Variants in INPP5A observed in about 807,000 individuals in gnomAD.
INPP5A encodes the protein 43 kDa inositol polyphosphate 5-phophatase.
A neutral mutation model predicts 65.2 loss-of-function variants in INPP5A; 14 were observed. The ratio of observed to expected loss-of-function variants is 0.21; its 90% confidence interval spans 0.14 to 0.34. INPP5A has a LOEUF of 0.34. INPP5A is among the 10% of genes least tolerant of loss of function. The probability of loss-of-function intolerance (pLI) is 1.00; values close to 1 mark genes in which losing one functional copy is unlikely to be tolerated. For missense variants in INPP5A, 431 were observed against 545.6 expected, an observed-to-expected ratio of 0.79 and a Z score of 2.09; for synonymous variants, 207 against 208.3, an observed-to-expected ratio of 0.99 and a Z score of 0.05.
At position 132,676,800 on chromosome 10, in the gene INPP5A, C is replaced by T. The variant is rs958428907; in HGVS notation, c.307-13592C>T. Among the ~76,000 whole-genome samples, 1 of 152,218 alleles carries T rather than the reference C, an allele frequency of 6.6e-6. No homozygotes were observed. Among genetic ancestry groups the T allele is most frequent in the Non-Finnish European group, 1.5e-5 (1 of 68,042 alleles). ...CACTGACTGCTGGCTCTCACCTGCT[C>T]CTGTCTCTCCACAGTAGTAGCCTCA... On this transcript the variant is annotated intron_variant, in intron 4 of 15. Transcript: ENST00000368594. The surrounding 1 kb of genome is among the most constrained non-coding windows in gnomAD (Gnocchi z 4.0).
At chr10:132,625,181 G>A (rs1160850493) in intron 2 of INPP5A, among the ~76,000 whole-genome samples, 2 of 139,198 alleles carry the variant, frequency 1.4e-5, no homozygotes, top group African/African-American at 2.7e-5. Context: ...TCAGGACCTC[G>A]CACAGGCCAC....
intron 4 of INPP5A, among the ~76,000 whole-genome samples, chr10:132,677,741 C>T (rs1283770785): frequency 3.9e-5 from 6 of 152,228 alleles, no homozygotes; most frequent in East Asian, 1.9e-4. Context: ...TGTTTACCCT[C>T]GTGTCAGCAT....
chr10:132,646,024 G>T, intron 3 of INPP5A, 56 bp downstream of exon 3: 1 of 1,198,640 alleles, frequency 8.3e-7, no homozygotes, highest in Non-Finnish European at 1.2e-6. Context: ...GTGGGGTGCC[G>T]GCGGGGGTCT....
At chr10:132,677,367 C>T (rs1391030529) in intron 4 of INPP5A, among the ~76,000 whole-genome samples, 1 of 152,258 alleles carries the variant, frequency 6.6e-6, no homozygotes, top group Non-Finnish European at 1.5e-5. Flanking sequence ...ACTCATGTAT[C>T]TCACATGTCT....
At chr10:132,542,112 T>C (rs1590815812) in intron 1 of INPP5A, among the ~76,000 whole-genome samples, 1 of 152,258 alleles carries the variant, frequency 6.6e-6, no homozygotes, top group East Asian at 1.9e-4. Context: ...CACCCTTGCA[T>C]GGTCAGGCTG....
At chr10:132,584,582 C>T (rs2071524948) in intron 1 of INPP5A, among the ~76,000 whole-genome samples, 1 of 152,084 alleles carries the variant, frequency 6.6e-6, no homozygotes, top group Admixed American at 6.6e-5. Flanking sequence ...TCATATTATT[C>T]TTTTAATGTC....
chr10:132,634,071 A>T (rs1407496307), intron 2 of INPP5A, among the ~76,000 whole-genome samples: 1 of 152,256 alleles, frequency 6.6e-6, no homozygotes, highest in Non-Finnish European at 1.5e-5. Flanking sequence ...ATCTAAAAAG[A>T]TGATCAGTAA....
At chr10:132,771,753 C>T (rs1203785812) in intron 12 of INPP5A, among the ~76,000 whole-genome samples, 1 of 45,782 alleles carries the variant, frequency 2.2e-5, no homozygotes, top group Non-Finnish European at 4.9e-5. Flanking sequence ...ACAGAGGCCA[C>T]AGCAGCCACC....
At chr10:132,710,986 G>A (rs1845627828) in intron 8 of INPP5A, among the ~76,000 whole-genome samples, 1 of 152,222 alleles carries the variant, frequency 6.6e-6, no homozygotes. Context: ...CCTTACTGGA[G>A]TTGCCCCATG....
chr10:132,557,718 G>A (rs1027404468), intron 1 of INPP5A, among the ~76,000 whole-genome samples: 1 of 152,304 alleles, frequency 6.6e-6, no homozygotes, highest in Middle Eastern at 3.4e-3. Flanking sequence ...GGTTAAAAGG[G>A]GCCCGAGTGT....
In INPP5A at chr10:132,781,965, C is replaced by A. The variant is rs754100169; in HGVS notation, c.*7+17C>A. On this transcript the variant is annotated intron_variant, in intron 15 of 15. Transcript: ENST00000368594. ...GACGTGGTGGTAAATATGACTCCTCCCTCCAGTTCAGCTTTTACGCAGCTT... is the reference window on the plus strand; with the variant it reads ...GACGTGGTGGTAAATATGACTCCTCACTCCAGTTCAGCTTTTACGCAGCTT... 1.9e-6 allele frequency: 3 copies of A among 1,612,670 alleles called. No individual in the cohort carries two copies. The Admixed American group carries it at 5.0e-5, about 27-fold the overall frequency.
intron 2 of INPP5A, among the ~76,000 whole-genome samples, chr10:132,634,229 CGGGTGTGCCCCGG>C (rs2072308791): frequency 6.1e-5 from 9 of 148,558 alleles, no homozygotes; most frequent in African/African-American, 2.3e-4. Flanking sequence ...TCTCCCTTGG[CGGGTGTGCCCCGG>C]AGAGGCGTGT....
chr10:132,742,463 C>T (rs1590974703), intron 9 of INPP5A, among the ~76,000 whole-genome samples: 2 of 152,328 alleles, frequency 1.3e-5, no homozygotes, highest in South Asian at 4.1e-4. Flanking sequence ...GAGAGGGCCA[C>T]CCCCAGCTTC....
At chr10:132,632,493 G>T (rs976613411) in intron 2 of INPP5A, among the ~76,000 whole-genome samples, 6 of 152,180 alleles carry the variant, frequency 3.9e-5, no homozygotes, top group Non-Finnish European at 8.8e-5. Context: ...GGCATGTGCC[G>T]AAGTGGATCC....
At chr10:132,764,432 C>A (rs113652537) in intron 11 of INPP5A, among the ~76,000 whole-genome samples, 2,601 of 148,110 alleles carry the variant, frequency 0.018, 49 homozygotes, top group African/African-American at 0.061. Context: ...GTCAGTCCTG[C>A]TGCGGTGGGA....
rs1041323289 is a variant in INPP5A at position 132,550,525 on chromosome 10, C to A, written c.75+12354C>A. 3.3e-5 allele frequency among the ~76,000 whole-genome samples: 5 copies of A among 152,342 alleles called. No individual in the cohort carries two copies. The highest frequency in any genetic ancestry group is 1.2e-4 in the African/African-American group (5 of 41,570). On this transcript the variant is annotated intron_variant, in intron 1 of 15. Transcript: ENST00000368594. This position sits in a 1 kb window ranked among gnomAD's most constrained non-coding sequence, Gnocchi z 4.2. The stretch of plus-strand genomic sequence containing the variant: ...AGCGACACCCTTGGGCTGAGCTTTT[C>A]CGTGAACCGGCAGCTGTGTCCCTTG...
In INPP5A at chr10:132,561,762, A is replaced by AC. The variant is rs1554927531; in HGVS notation, c.75+23591_75+23592insC. Among the ~76,000 whole-genome samples the AC allele has an allele frequency of 2.7e-4, 40 of 146,272 alleles. No individual in the cohort carries two copies. In the East Asian group the frequency reaches 4.6e-3, roughly 17 times the overall value. ...CACACACACACACACACACACACAC[A>AC]ACCCTGCTGGAATTTACACACACCA... On this transcript the variant is annotated intron_variant, in intron 1 of 15. Transcript: ENST00000368594.
intron 1 of INPP5A, among the ~76,000 whole-genome samples, chr10:132,574,999 T>C (rs11146421): frequency 0.093 from 14,180 of 152,138 alleles, 757 homozygotes; most frequent in Non-Finnish European, 0.11. Context: ...CACCTGACGA[T>C]AGAAACGCAA....
chr10:132,563,879 T>C (rs2071238745), intron 1 of INPP5A, among the ~76,000 whole-genome samples: 1 of 152,184 alleles, frequency 6.6e-6, no homozygotes, highest in Non-Finnish European at 1.5e-5. Flanking sequence ...GCGTATTCAC[T>C]TCCATGGTGG....
Sources: gnomAD v4.1 joint callset for allele counts (sites outside exome capture counted in the v4.1 genomes callset) on GRCh38, gnomAD v4.1.1 for gene constraint, Gnocchi (gnomAD v3.1) non-coding constraint, MANE v1.5 for transcripts, NCBI Gene and HGNC (gene_info 2026-07-23, HGNC 2026-07-21) for gene names.